The following SYNE1 variants were observed in gnomAD, a reference collection of about 807,000 sequenced individuals.
SYNE1 encodes spectrin repeat containing nuclear envelope protein 1.
SYNE1 carries 616 observed loss-of-function variants against 1,111.0 expected under a neutral mutation model. The ratio of observed to expected loss-of-function variants is 0.55; its 90% CI spans 0.52 to 0.59. The LOEUF is 0.59. Among genes scored for constraint, SYNE1 ranks in the 20% least tolerant of loss-of-function variants. The pLI, the probability that SYNE1 is intolerant of heterozygous loss-of-function variation, is 0.00. For synonymous variants in SYNE1, 3,855 were observed against 3,825.8 expected, an observed-to-expected ratio of 1.01 and a Z score of -0.28; for missense variants, 10,006 against 10,417.0, an observed-to-expected ratio of 0.96 and a Z score of 1.72.
At position 152,180,255 on chromosome 6, in the gene SYNE1, C is replaced by T. The variant is rs769279970; in HGVS notation, c.23341G>A (p.Glu7781Lys). 3 of 1,614,118 alleles carry T rather than the reference C, an allele frequency of 1.9e-6. No individual in the cohort carries two copies. The highest frequency in any genetic ancestry group is 2.2e-5 in the South Asian group (2 of 91,076). ...RRQQIGERLN[E>K]WAVFSEKNKE... ...TTCTTTTCACTGAAGACTGCCCATT[C>T]ATTCAATCTTTCACCTATTTGCTGC... The change falls in exon 129 of 146, where the codon GAA becomes AAA. Residue 7781 changes from glutamate (E) to lysine (K), a missense_variant. Physicochemically the swap from Glu to Lys is moderately conservative, Grantham distance 56. Coordinates refer to ENST00000367255, the MANE Select transcript of SYNE1 (RefSeq NM_182961.4).
At chr6:152,403,564 T>C (rs2097851596) in intron 46 of SYNE1, among the ~76,000 whole-genome samples, 1 of 151,824 alleles carries the variant, frequency 6.6e-6, no homozygotes, top group Non-Finnish European at 1.5e-5. Flanking sequence ...CTACAAAAAA[T>C]TTAAAAAATT....
intron 130 of SYNE1, among the ~76,000 whole-genome samples, chr6:152,166,177 T>C (rs2063620468): frequency 6.6e-6 from 1 of 152,182 alleles, no homozygotes; most frequent in Admixed American, 6.5e-5. Flanking sequence ...GTATTATTCA[T>C]GCATTAATTG....
At chr6:152,218,148 C>T (rs2079203180) in intron 121 of SYNE1, 109 bp downstream of exon 121, 1 of 1,316,806 alleles carries the variant, frequency 7.6e-7, no homozygotes, top group African/African-American at 1.5e-5. Flanking sequence ...GCCGAGATCA[C>T]ACCACGGCAC....
chr6:152,476,503 G>T (rs1324037423), intron 14 of SYNE1, among the ~76,000 whole-genome samples: 1 of 152,118 alleles, frequency 6.6e-6, no homozygotes, highest in Non-Finnish European at 1.5e-5. Flanking sequence ...ATGGTACCCT[G>T]GCTTCTGGTC....
At chr6:152,377,657 A>ATAT (rs1344186351) in intron 56 of SYNE1, among the ~76,000 whole-genome samples, 4 of 115,886 alleles carry the variant, frequency 3.5e-5, no homozygotes, top group Non-Finnish European at 5.7e-5. Flanking sequence ...ATATATATAT[A>ATAT]TATATATATA....
intron 102 of SYNE1, 130 bp downstream of exon 102, chr6:152,256,504 G>T: frequency 1.9e-6 from 2 of 1,080,054 alleles, no homozygotes; most frequent in Non-Finnish European, 2.7e-6. Flanking sequence ...CTTTGTTTCA[G>T]CGCTTATCAC....
At chr6:152,354,510 T>C (rs2096799892) in intron 67 of SYNE1, 149 bp downstream of exon 67, 1 of 824,278 alleles carries the variant, frequency 1.2e-6, no homozygotes, top group Non-Finnish European at 2.0e-6. Context: ...AGAGGAATGC[T>C]CCATTGTGAT....
At chr6:152,322,626 A>G (rs139651693) in intron 82 of SYNE1, among the ~76,000 whole-genome samples, 15 of 152,244 alleles carry the variant, frequency 9.9e-5, no homozygotes, top group Admixed American at 2.6e-4. Flanking sequence ...AAGCTTCATC[A>G]AATCTAAGTT....
At chr6:152,564,330 G>A (rs139743924) in intron 3 of SYNE1, among the ~76,000 whole-genome samples, 1 of 152,020 alleles carries the variant, frequency 6.6e-6, no homozygotes, top group Non-Finnish European at 1.5e-5. Context: ...GTTTGGTTTT[G>A]GTTTGAGACA....
chr6:152,380,922 G>T, intron 56 of SYNE1, 84 bp downstream of exon 56: 2 of 1,382,878 alleles, frequency 1.4e-6, no homozygotes, highest in South Asian at 1.2e-5. Flanking sequence ...TTTTTAGTTA[G>T]CAAGATTTTT....
chr6:152,152,939 A>G (rs2060708865), intron 133 of SYNE1, among the ~76,000 whole-genome samples: 1 of 152,166 alleles, frequency 6.6e-6, no homozygotes, highest in Admixed American at 6.5e-5. Context: ...TTTCCCTCCA[A>G]TGTAGAAGAG....
intron 9 of SYNE1, among the ~76,000 whole-genome samples, chr6:152,504,245 G>T (rs1192454018): frequency 6.6e-6 from 1 of 152,108 alleles, no homozygotes; most frequent in Non-Finnish European, 1.5e-5. Context: ...GTGAAAGTGG[G>T]GTGGGGGCAG....
chr6:152,317,957 C>T, intron 86 of SYNE1, 124 bp downstream of exon 86: 1 of 1,305,948 alleles, frequency 7.7e-7, no homozygotes, highest in South Asian at 1.2e-5. Flanking sequence ...ATAAGCTACA[C>T]CTAAACTACT....
At position 152,283,962 on chromosome 6, in the gene SYNE1, TAC is replaced by T; in HGVS notation, c.18207+14_18207+15del. The T allele has an allele frequency of 6.2e-7, 1 of 1,607,688 alleles. No homozygotes were observed. The highest frequency in any genetic ancestry group is 1.3e-5 in the African/African-American group (1 of 74,922). ...TAACTCAGAAGTGAGGAGGCCACTT[TAC>T]AGTTATTGGTTACCTCCAAAAGCTG... On this transcript the variant is annotated intron_variant, in intron 96 of 145. Transcript: ENST00000367255.
intron 50 of SYNE1, among the ~76,000 whole-genome samples, chr6:152,396,278 T>G (rs973243032): frequency 1.4e-4 from 22 of 152,224 alleles, no homozygotes; most frequent in Middle Eastern, 3.2e-3. Context: ...GGCAAATTAT[T>G]CTGCCATCAG....
rs781764882 is a variant in SYNE1 at position 152,215,070 on chromosome 6, A to G, written c.22192-10T>C. ...ATTTTAACATCTGTCCCTAGAAGGA[A>G]GATTTAAAAGTAGGTTTAGCACCAT... On this transcript the variant is annotated splice_polypyrimidine_tract_variant and intron_variant, in intron 121 of 145. Transcript: ENST00000367255. 11 of 1,613,800 alleles carry G rather than the reference A, an allele frequency of 6.8e-6. No individual in the cohort carries two copies. Among genetic ancestry groups the G allele is most frequent in the Admixed American group, 1.7e-5 (1 of 60,006 alleles).
At chr6:152,247,273 G>T (rs1208789220) in intron 105 of SYNE1, among the ~76,000 whole-genome samples, 6 of 151,996 alleles carry the variant, frequency 3.9e-5, no homozygotes, top group Non-Finnish European at 7.4e-5. Flanking sequence ...ATCCAAGTTG[G>T]GTAGGCATGG....
chr6:152,300,505 A>AT (rs2153809099), intron 93 of SYNE1, 136 bp downstream of exon 93: 1 of 1,247,870 alleles, frequency 8.0e-7, no homozygotes, highest in South Asian at 1.3e-5. Context: ...TTGTGCAACT[A>AT]TAACACCTAA....
At chr6:152,346,748 T>G (rs1398281698) in intron 73 of SYNE1, among the ~76,000 whole-genome samples, 1 of 152,046 alleles carries the variant, frequency 6.6e-6, no homozygotes, top group East Asian at 1.9e-4. Flanking sequence ...AGGCGGAGCT[T>G]GCAGTGAGCC....
Sources: allele counts gnomAD v4.1 joint callset (sites outside exome capture counted in the v4.1 genomes callset), GRCh38; gene constraint gnomAD v4.1.1; transcripts MANE v1.5; gene names NCBI Gene and HGNC (gene_info 2026-07-23, HGNC 2026-07-21).